TBPL1: variants seen among roughly 807,000 people sequenced by gnomAD.
TBPL1 encodes TATA box-binding protein-like 1.
In TBPL1, 4 loss-of-function variants were observed where a neutral mutation model predicts 22.1. The observed-to-expected ratio is 0.18, with a 90% CI of 0.09 to 0.41. The LOEUF is 0.41. Ranked by LOEUF, TBPL1 falls within the 10% of genes least tolerant of loss-of-function variation. The pLI is 1.00. For missense variants in TBPL1, 115 were observed against 222.3 expected (o/e 0.52, Z 3.07); for synonymous variants, 64 against 71.0 (o/e 0.90, Z 0.50).
chr6:133,978,951 A>G (rs1366454921), intron 1 of TBPL1, among the ~76,000 whole-genome samples: 4 of 152,208 alleles, frequency 2.6e-5, no homozygotes. Context: ...AGTTAAGTCA[A>G]ATTGCCATTG....
intron 1 of TBPL1, among the ~76,000 whole-genome samples, chr6:133,966,723 A>G (rs544190984): frequency 2.0e-5 from 3 of 152,142 alleles, no homozygotes; most frequent in Admixed American, 6.5e-5. Context: ...GTCATTCTCC[A>G]TCTCCCTTTT....
chr6:133,965,132 CTAA>C (rs1776096892), intron 1 of TBPL1, among the ~76,000 whole-genome samples: 1 of 152,120 alleles, frequency 6.6e-6, no homozygotes, highest in Non-Finnish European at 1.5e-5. Context: ...GTAAATGAAA[CTAA>C]TAATCTTTTA....
intron 4 of TBPL1, 122 bp from the exon 5 acceptor site, chr6:133,984,254 A>G (rs1381873627): frequency 8.5e-6 from 6 of 706,900 alleles, no homozygotes; most frequent in South Asian, 6.0e-5. Flanking sequence ...AGTACTAAAC[A>G]TACACTTAAA....
rs535589731 is a variant in TBPL1, at chr6:133,988,411, C to T, written c.*1371C>T. 6.6e-6 allele frequency: 1 copy of T among 152,142 alleles called. No individual in the cohort carries two copies. Among genetic ancestry groups the T allele is most frequent in the Non-Finnish European group, 1.5e-5 (1 of 68,022 alleles). 9.4% of individuals were successfully genotyped at this position (152,142 alleles called of 1,614,324 possible). On this transcript the variant is annotated 3_prime_UTR_variant, in exon 7 of 7. Transcript: ENST00000237264. ...GCTGAGTGGAGAGTCCAATTAGCTT[C>T]TCAGGAGAAACTTAATGGGGACAAT... is the stretch of plus-strand genomic sequence containing the variant.
At chr6:133,974,727 A>G (rs529827117) in intron 1 of TBPL1, among the ~76,000 whole-genome samples, 35 of 152,368 alleles carry the variant, frequency 2.3e-4, no homozygotes, top group African/African-American at 7.7e-4. Flanking sequence ...TCCTATAGAA[A>G]GTTTTTGTAC....
chr6:133,958,985 AATAG>A (rs1328163965), intron 1 of TBPL1, among the ~76,000 whole-genome samples: 1 of 152,192 alleles, frequency 6.6e-6, no homozygotes, highest in Non-Finnish European at 1.5e-5. Context: ...TGTTGCACCA[AATAG>A]ATAGAGATAT....
chr6:133,983,303 G>C (rs1259297145), intron 4 of TBPL1, among the ~76,000 whole-genome samples: 1 of 152,222 alleles, frequency 6.6e-6, no homozygotes, highest in African/African-American at 2.4e-5. Context: ...TCACTGGCAT[G>C]TCAGCCTCAT....
chr6:133,969,451 A>T (rs1034662798), intron 1 of TBPL1, among the ~76,000 whole-genome samples: 6 of 152,110 alleles, frequency 3.9e-5, no homozygotes, highest in Non-Finnish European at 7.4e-5. Flanking sequence ...AGTCTCATAG[A>T]TAGTAGGTAG....
intron 4 of TBPL1, among the ~76,000 whole-genome samples, chr6:133,983,998 A>G (rs1469020011): frequency 6.6e-6 from 1 of 152,174 alleles, no homozygotes; most frequent in Non-Finnish European, 1.5e-5. Flanking sequence ...TACTGACTTT[A>G]AAGTGACATC....
At chr6:133,970,193 A>G (rs1194197657) in intron 1 of TBPL1, among the ~76,000 whole-genome samples, 1 of 152,174 alleles carries the variant, frequency 6.6e-6, no homozygotes, top group African/African-American at 2.4e-5. Flanking sequence ...TTCAGTTGAG[A>G]ACAACTACTC....
At chr6:133,969,581 TAC>T (rs1480353090) in intron 1 of TBPL1, among the ~76,000 whole-genome samples, 1 of 152,200 alleles carries the variant, frequency 6.6e-6, no homozygotes, top group Non-Finnish European at 1.5e-5. Context: ...TGGTAAAATA[TAC>T]AGTCTTTTTC....
At chr6:133,975,374 A>G (rs1218901364) in intron 1 of TBPL1, among the ~76,000 whole-genome samples, 2 of 150,866 alleles carry the variant, frequency 1.3e-5, no homozygotes, top group Non-Finnish European at 3.0e-5. Context: ...GAATTATTTT[A>G]AAACTCTTAA....
intron 1 of TBPL1, among the ~76,000 whole-genome samples, chr6:133,975,143 G>A (rs1404848173): frequency 1.3e-5 from 2 of 152,206 alleles, no homozygotes; most frequent in East Asian, 3.9e-4. Context: ...CTGATAGTTT[G>A]TTCTGAGAAG....
intron 1 of TBPL1, among the ~76,000 whole-genome samples, chr6:133,964,266 C>G (rs187559817): frequency 6.6e-6 from 1 of 152,162 alleles, no homozygotes; most frequent in East Asian, 1.9e-4. Flanking sequence ...AGTGACGCAC[C>G]CTTCAACCAG....
At chr6:133,978,723 G>A (rs1486204591) in intron 1 of TBPL1, among the ~76,000 whole-genome samples, 4 of 152,172 alleles carry the variant, frequency 2.6e-5, no homozygotes, top group Non-Finnish European at 4.4e-5. Context: ...TCTTATAGAG[G>A]TGTCAGAAGT....
At chr6:133,973,032 C>T (rs746980062) in intron 1 of TBPL1, among the ~76,000 whole-genome samples, 12 of 152,136 alleles carry the variant, frequency 7.9e-5, no homozygotes, top group South Asian at 2.1e-4. Context: ...CAAACAGATA[C>T]GAAAGAACAT....
At chr6:133,978,819 C>T (rs573904227) in intron 1 of TBPL1, among the ~76,000 whole-genome samples, 1 of 152,230 alleles carries the variant, frequency 6.6e-6, no homozygotes, top group East Asian at 1.9e-4. Flanking sequence ...GGCCCCTTCA[C>T]TGTTTTAGTT....
intron 1 of TBPL1, among the ~76,000 whole-genome samples, chr6:133,978,106 A>G (rs1023650901): frequency 2.0e-5 from 3 of 152,178 alleles, no homozygotes; most frequent in Non-Finnish European, 4.4e-5. Flanking sequence ...AGCTCTGATC[A>G]TTATGAAGGC....
intron 1 of TBPL1, among the ~76,000 whole-genome samples, chr6:133,965,712 T>A (rs1453507131): frequency 6.6e-6 from 1 of 152,164 alleles, no homozygotes; most frequent in Non-Finnish European, 1.5e-5. Context: ...CCACTTACTT[T>A]TAAACTTGAA....
Sources: allele counts gnomAD v4.1 joint callset (sites outside exome capture counted in the v4.1 genomes callset), GRCh38; gene constraint gnomAD v4.1.1; transcripts MANE v1.5; gene names NCBI Gene and HGNC (gene_info 2026-07-23, HGNC 2026-07-21).